The following SCARF2 variants were observed in gnomAD, a reference collection of about 807,000 sequenced individuals.
SCARF2 encodes scavenger receptor class F member 2, also known as scavenger receptor expressed by endothelial cells 2 protein.
SCARF2 carries 39 observed loss-of-function variants against 73.4 expected under a neutral mutation model. The ratio of observed to expected loss-of-function variants is 0.53; its 90% CI spans 0.41 to 0.69. The LOEUF is 0.69. SCARF2 is among the 30% of genes least tolerant of loss of function. SCARF2 has a pLI of 0.00. For missense variants in SCARF2, 1,148 were observed against 1,303.5 expected (o/e 0.88, Z 1.84); for synonymous variants, 605 against 590.0 (o/e 1.03, Z -0.37).
In SCARF2 at chr22:20,430,388, G is replaced by A. The variant is rs774612595; in HGVS notation, c.1202+41C>T. 15 of 1,565,324 alleles carry A rather than the reference G, an allele frequency of 9.6e-6. No homozygotes were observed. The African/African-American group carries it at 1.9e-4, about 20-fold the overall frequency. ...GTCGGCTGGACCCCCCTCTGTGGCA[G>A]GTACAAGCCCCCAACCCCCTCCCGG... On this transcript the variant is annotated intron_variant, in intron 6 of 10. Coordinates refer to ENST00000622235, the MANE Select transcript of SCARF2 (RefSeq NM_182895.5).
At position 20,431,047 on chromosome 22, in the gene SCARF2, G is replaced by T; in HGVS notation, c.825C>A (p.Ala275=). The change falls in exon 4 of 11, where the codon GCC becomes GCA. Residue 275 remains alanine, a synonymous_variant. Transcript: ENST00000622235. ...GGCGACAGCCCAAGCCGTAGAAGCC[G>T]GCGGGGCACGGCTCGCGACAGTACT... The part of the protein sequence containing the change: ...RGKYCREPCP[A]GFYGLGCRRR... 6.4e-7 allele frequency: 1 copy of T among 1,565,754 alleles called. No homozygotes were observed. The highest frequency in any genetic ancestry group is 8.6e-7 in the Non-Finnish European group (1 of 1,163,682).
rs778527844 is a variant in SCARF2, at chr22:20,431,815, CTCT to C, written c.261_263del (p.Glu88del). 2 of 1,598,994 alleles carry C rather than the reference CTCT, an allele frequency of 1.3e-6. No homozygotes were observed. ...CGCCAGGCCTCACGCACACCTCGTTCTCTGAGCACGTGGAGTTGCCTTCGCACA... is the reference window on the plus strand; with the variant it reads ...CGCCAGGCCTCACGCACACCTCGTTCGAGCACGTGGAGTTGCCTTCGCACA... On this transcript the variant is annotated inframe_deletion, in exon 3 of 11. Coordinates refer to ENST00000622235, the MANE Select transcript of SCARF2 (RefSeq NM_182895.5).
intron 1 of SCARF2, among the ~76,000 whole-genome samples, chr22:20,436,575 TCTCTG>T (rs1410250690): frequency 6.6e-6 from 1 of 151,032 alleles, no homozygotes; most frequent in Non-Finnish European, 1.5e-5. Context: ...CAGCCCCTTG[TCTCTG>T]GCGCCGAGCC....
At chr22:20,432,044 C>T (rs545344302) in intron 1 of SCARF2, 56 bp from the exon 2 acceptor site, 1,689 of 1,534,138 alleles carry the variant, frequency 1.1e-3, no homozygotes, top group Non-Finnish European at 1.4e-3. Context: ...CCCCCATCTG[C>T]TCCGGGCTCC....
Position 20,429,945 on chromosome 22 carries a change from T to G in SCARF2, c.1203-112A>C, listed in dbSNP as rs1336554153. On this transcript the variant is annotated intron_variant, in intron 6 of 10. Coordinates refer to ENST00000622235, the MANE Select transcript of SCARF2 (RefSeq NM_182895.5). This position sits in a 1 kb window ranked among gnomAD's most constrained non-coding sequence, Gnocchi z 5.2. ...GGTCCAGGGTCCCAGAACCGGGCTC[T>G]CTCTCGCTGCATTCGTCGTCTAGGG... The G allele has an allele frequency of 2.9e-6, 3 of 1,028,990 alleles. No individual in the cohort carries two copies. Among genetic ancestry groups the G allele is most frequent in the East Asian group, 2.6e-5 (1 of 38,308 alleles). The allele number at this position is 1,028,990 out of a possible 1,614,324, so 63.7% of individuals were successfully genotyped here.
chr22:20,437,663 A>G lies in SCARF2; in HGVS notation c.92T>C (p.Leu31Pro). The G allele has an allele frequency of 6.6e-7, 1 of 1,522,430 alleles. No individual in the cohort carries two copies. Among genetic ancestry groups the G allele is most frequent in the Non-Finnish European group, 8.8e-7 (1 of 1,142,060 alleles). 94.3% of individuals were successfully genotyped at this position (1,522,430 alleles called of 1,614,324 possible). ...GTCCGGCAGCATCCAGAGCAGCAGC[A>G]GCAGCAGCAGCGACGGCAGCAGCGG... ...PSPLLPSLLL[L>P]LLLWMLPDTV... Residue 31 changes from leucine (L) to proline (P), a missense_variant, in exon 1 of 11, where the codon CTG becomes CCG. Physicochemically the swap from Leu to Pro is moderately conservative, Grantham distance 98 (BLOSUM62 -3). Transcript: ENST00000622235.
chr22:20,430,615 T>C (rs13054563), intron 5 of SCARF2, 58 bp from the exon 6 acceptor site: 2 of 1,609,288 alleles, frequency 1.2e-6, no homozygotes, highest in Middle Eastern at 1.7e-4. Flanking sequence ...CACAGCGCCC[T>C]CGACATTGGG....
Position 20,429,364 on chromosome 22 carries a change from A to T in SCARF2, c.1425-24T>A. The T allele has an allele frequency of 9.7e-6, 3 of 309,160 alleles. No individual in the cohort carries two copies. The highest frequency in any genetic ancestry group is 1.5e-5 in the Non-Finnish European group (3 of 195,800). The allele number at this position is 309,160 out of a possible 1,614,324, so 19.2% of individuals were successfully genotyped here. On this transcript the variant is annotated intron_variant, in intron 8 of 10. Coordinates refer to ENST00000622235, the MANE Select transcript of SCARF2 (RefSeq NM_182895.5). This position sits in a 1 kb window ranked among gnomAD's most constrained non-coding sequence, Gnocchi z 5.2. ...CCCTGCGGGGGCGGGGTCTGAGCGG[A>T]GGGGCGGGGCCGGGGCGGGGCCCAG...
chr22:20,430,044 T>TG (rs1163582356), intron 6 of SCARF2: 12 of 622,866 alleles, frequency 1.9e-5, no homozygotes, highest in Admixed American at 1.1e-4. Flanking sequence ...ACAACACTAG[T>TG]GGGGGGGCCT....
chr22:20,433,639 C>A (rs552011546), intron 1 of SCARF2, among the ~76,000 whole-genome samples: 1 of 152,314 alleles, frequency 6.6e-6, no homozygotes, highest in African/African-American at 2.4e-5. Flanking sequence ...TGGGACCTGG[C>A]GAACAGGACC....
rs527347176 is a variant in SCARF2 at position 20,429,148 on chromosome 22, C to A, written c.1540+77G>T. On this transcript the variant is annotated intron_variant, in intron 9 of 10. Coordinates refer to ENST00000622235, the MANE Select transcript of SCARF2 (RefSeq NM_182895.5). The surrounding 1 kb of genome is among the most constrained non-coding windows in gnomAD (Gnocchi z 5.2). ...CCCCATTTCCTCACTGAGATCTGGA[C>A]CCCCTCACACCCATTTCCCAGCAGC... 8 of 1,577,488 alleles carry A rather than the reference C, an allele frequency of 5.1e-6. No individual in the cohort carries two copies. In the South Asian group the frequency reaches 5.6e-5, roughly 11 times the overall value.
chr22:20,428,226 C>CCCTCCCTCCCTT, intron 9 of SCARF2, among the ~76,000 whole-genome samples: 1 of 142,540 alleles, frequency 7.0e-6, no homozygotes, highest in African/African-American at 2.6e-5. Context: ...CTCCCTCCCT[C>CCCTCCCTCCCTT]CCTCCCTCCC....
intron 1 of SCARF2, among the ~76,000 whole-genome samples, chr22:20,436,175 TG>T (rs2052696752): frequency 6.6e-6 from 1 of 152,146 alleles, no homozygotes; most frequent in African/African-American, 2.4e-5. Context: ...GGCACCAGGA[TG>T]GGAACCCAAA....
intron 9 of SCARF2, among the ~76,000 whole-genome samples, chr22:20,427,868 C>A (rs2052597617): frequency 6.6e-6 from 1 of 152,196 alleles, no homozygotes. Flanking sequence ...GAAGAAGACA[C>A]CTGGCTGGGA....
intron 6 of SCARF2, 171 bp from the exon 7 acceptor site, chr22:20,430,004 G>T: frequency 1.5e-6 from 1 of 676,442 alleles, no homozygotes; most frequent in Non-Finnish European, 2.5e-6. Flanking sequence ...GCACATATTG[G>T]GTAGTGGATG....
chr22:20,425,526 G>T lies in SCARF2; in HGVS notation c.2450C>A (p.Pro817Gln), dbSNP rs781576154. Residue 817 changes from proline (P) to glutamine (Q), a missense_variant, in exon 11 of 11, where the codon CCA (proline) becomes CAA (glutamine). Physicochemically the swap from Pro to Gln is moderately conservative, Grantham distance 76. Transcript: ENST00000622235. This position sits in a 1 kb window ranked among gnomAD's most constrained non-coding sequence, Gnocchi z 4.6. ...VPPASPARAP[P>Q]ATETPGPEKA... Reference sequence around the variant, plus strand: ...CTCAGGCCCCGGGGTTTCGGTCGCTGGGGGCGCGCGGGCGGGCGAGGCTGG... The same window carrying T: ...CTCAGGCCCCGGGGTTTCGGTCGCTTGGGGCGCGCGGGCGGGCGAGGCTGG... 75 of 1,345,252 alleles carry T rather than the reference G, an allele frequency of 5.6e-5. No individual in the cohort carries two copies. Among genetic ancestry groups the T allele is most frequent in the African/African-American group, 1.5e-5 (1 of 65,658 alleles). 83.3% of individuals were successfully genotyped at this position (1,345,252 alleles called of 1,614,324 possible).
intron 10 of SCARF2, among the ~76,000 whole-genome samples, chr22:20,426,793 C>T (rs2052583465): frequency 6.6e-6 from 1 of 151,960 alleles, no homozygotes; most frequent in Middle Eastern, 3.4e-3. Flanking sequence ...TGGGCGTGGT[C>T]GTGGGCGCCT....
At position 20,430,561 on chromosome 22, in the gene SCARF2, G is replaced by A; in HGVS notation, c.1074-4C>T. 1 of 1,611,984 alleles carries A rather than the reference G, an allele frequency of 6.2e-7. No individual in the cohort carries two copies. The highest frequency in any genetic ancestry group is 1.1e-5 in the South Asian group (1 of 90,950). ...ATTGCTACACTTGGTCTCGCACCTT[G>A]GAAAGAGGGGAGGAGGCGTCAGCAG... On this transcript the variant is annotated splice_region_variant and splice_polypyrimidine_tract_variant and intron_variant, in intron 5 of 10. Transcript: ENST00000622235.
chr22:20,431,669 CGCCCCACCTTGGA>C, intron 3 of SCARF2, 63 bp downstream of exon 3: 1 of 1,522,304 alleles, frequency 6.6e-7, no homozygotes, highest in Non-Finnish European at 8.9e-7. Context: ...GATCCGACCC[CGCCCCACCTTGGA>C]CCCCGCCCCA....
Sources: gnomAD v4.1 joint callset for allele counts (sites outside exome capture counted in the v4.1 genomes callset) on GRCh38, gnomAD v4.1.1 for gene constraint, Gnocchi (gnomAD v3.1) non-coding constraint, MANE v1.5 for transcripts, NCBI Gene and HGNC (gene_info 2026-07-23, HGNC 2026-07-21) for gene names.